The following NWD2 variants were observed in gnomAD, a reference collection of about 807,000 sequenced individuals.
The protein encoded by NWD2 is NACHT and WD repeat domain containing 2.
Under a neutral mutation model 132.7 loss-of-function variants are expected in NWD2, and 37 were observed. That is an observed-to-expected ratio of 0.28 (90% CI 0.21 to 0.37). The LOEUF is 0.37. Among genes scored for constraint, NWD2 ranks in the 10% least tolerant of loss-of-function variants. The pLI is 1.00. For synonymous variants in NWD2, 705 were observed against 803.0 expected (o/e 0.88, Z 2.06); for missense variants, 1,592 against 2,122.4 (o/e 0.75, Z 4.91).
At position 37,445,926 on chromosome 4, in the gene NWD2, A is replaced by G; in HGVS notation, c.3938A>G (p.Asp1313Gly). The G allele has an allele frequency of 6.4e-7, 1 of 1,551,764 alleles. No homozygotes were observed. The highest frequency in any genetic ancestry group is 8.7e-7 in the Non-Finnish European group (1 of 1,146,982). ...ATAATCACAGCTATGTCCAACATAG[A>G]TAAGACTGGAAAACCCATCCAAAGT... is the stretch of plus-strand genomic sequence containing the variant. ...IDIITAMSNI[D>G]KTGKPIQSLL... is the part of the protein sequence containing the mutation. Residue 1313 changes from aspartate (D) to glycine (G), a missense_variant, in exon 7 of 7, where the codon GAT becomes GGT. By Grantham distance (94) the Asp-to-Gly change is moderately conservative (BLOSUM62 -1). This residue lies in a region of NWD2 where 1,071 missense variants were observed against 1,398.0 expected (regional missense o/e 0.77). Coordinates refer to ENST00000309447, the MANE Select transcript of NWD2 (RefSeq NM_001144990.2). This position sits in a 1 kb window ranked among gnomAD's most constrained non-coding sequence, Gnocchi z 4.7.
chr4:37,380,413 A>G (rs2109308296), intron 3 of NWD2, among the ~76,000 whole-genome samples: 1 of 152,310 alleles, frequency 6.6e-6, no homozygotes, highest in East Asian at 1.9e-4. Flanking sequence ...TCTATCATAT[A>G]ATGTGTGACC....
intron 3 of NWD2, among the ~76,000 whole-genome samples, chr4:37,380,613 TA>T (rs1319351050): frequency 1.8e-4 from 27 of 152,324 alleles, no homozygotes; most frequent in African/African-American, 6.5e-4. Flanking sequence ...AACTATATGC[TA>T]AGGAATCACA....
intron 1 of NWD2, among the ~76,000 whole-genome samples, chr4:37,250,159 TACACACACACACAC>T: frequency 6.7e-6 from 1 of 149,098 alleles, no homozygotes; most frequent in East Asian, 2.0e-4. Flanking sequence ...TGTGTGTGTA[TACACACACACACAC>T]ACACACACAC....
At chr4:37,424,867 A>G (rs1711948012) in intron 3 of NWD2, among the ~76,000 whole-genome samples, 1 of 152,204 alleles carries the variant, frequency 6.6e-6, no homozygotes, top group South Asian at 2.1e-4. Flanking sequence ...TTGGTACAAT[A>G]CAAACTGCAT....
chr4:37,412,210 T>C (rs1299420218), intron 3 of NWD2, among the ~76,000 whole-genome samples: 1 of 152,210 alleles, frequency 6.6e-6, no homozygotes, highest in African/African-American at 2.4e-5. Context: ...TGTTTGCAGA[T>C]GGCATGATTG....
chr4:37,405,588 G>A (rs1720987859), intron 3 of NWD2, among the ~76,000 whole-genome samples: 1 of 152,152 alleles, frequency 6.6e-6, no homozygotes, highest in Non-Finnish European at 1.5e-5. Flanking sequence ...TATAGGTCTG[G>A]GGTGACAACT....
At chr4:37,380,121 T>C (rs1225075241) in intron 3 of NWD2, among the ~76,000 whole-genome samples, 1 of 152,238 alleles carries the variant, frequency 6.6e-6, no homozygotes, top group African/African-American at 2.4e-5. Context: ...AGCAACCCTG[T>C]GAGTTGCAGG....
intron 3 of NWD2, among the ~76,000 whole-genome samples, chr4:37,397,460 A>G (rs1720821271): frequency 6.6e-6 from 1 of 152,174 alleles, no homozygotes; most frequent in Admixed American, 6.5e-5. Flanking sequence ...AGAGGGCTTG[A>G]GAGATAAAGA....
chr4:37,435,364 T>C (rs1217094975), intron 5 of NWD2, among the ~76,000 whole-genome samples: 5 of 152,186 alleles, frequency 3.3e-5, no homozygotes, highest in African/African-American at 1.2e-4. Flanking sequence ...TTACAAACCA[T>C]TTTGACAAAT....
At chr4:37,419,272 C>T (rs771835846) in intron 3 of NWD2, among the ~76,000 whole-genome samples, 6 of 152,046 alleles carry the variant, frequency 3.9e-5, no homozygotes, top group Non-Finnish European at 7.4e-5. Flanking sequence ...AAGACTTAAA[C>T]GTAAGACCTA....
Position 37,264,982 on chromosome 4 carries a change from C to A in NWD2, c.151+19764C>A, listed in dbSNP as rs551344597. On this transcript the variant is annotated intron_variant, in intron 1 of 6. Transcript: ENST00000309447. Reference sequence around the variant, plus strand: ...CTGTAGGGTAGAATGAGCCAGGAAACTAATCTCCCAGCCATGTAGTGTGTA... The same window carrying A: ...CTGTAGGGTAGAATGAGCCAGGAAAATAATCTCCCAGCCATGTAGTGTGTA... Among the ~76,000 whole-genome samples, 25 of 152,130 alleles carry A rather than the reference C, an allele frequency of 1.6e-4. No homozygotes were observed. The South Asian group carries it at 5.0e-3, about 30-fold the overall frequency.
chr4:37,331,713 G>C (rs1425381542), intron 2 of NWD2, among the ~76,000 whole-genome samples: 1 of 152,156 alleles, frequency 6.6e-6, no homozygotes, highest in Non-Finnish European at 1.5e-5. Flanking sequence ...AATAGCATGA[G>C]AACCAAAAAT....
At chr4:37,253,935 AAACT>A (rs1164149780) in intron 1 of NWD2, among the ~76,000 whole-genome samples, 6 of 152,188 alleles carry the variant, frequency 3.9e-5, no homozygotes, top group Middle Eastern at 3.2e-3. Context: ...CATCCTTAGC[AAACT>A]AACACAGTAA....
chr4:37,408,728 G>C (rs2109318236), intron 3 of NWD2, among the ~76,000 whole-genome samples: 1 of 152,294 alleles, frequency 6.6e-6, no homozygotes, highest in Non-Finnish European at 1.5e-5. Flanking sequence ...TATGTATCCT[G>C]ACTGGGAGAC....
At chr4:37,317,501 A>G (rs1030779) in intron 1 of NWD2, among the ~76,000 whole-genome samples, 35,117 of 152,128 alleles carry the variant, frequency 0.23, 4,758 homozygotes, top group Middle Eastern at 0.4. Flanking sequence ...ATCAAGTTAA[A>G]CTTCTCTGGC....
At chr4:37,418,061 C>A (rs1711677515) in intron 3 of NWD2, among the ~76,000 whole-genome samples, 1 of 151,968 alleles carries the variant, frequency 6.6e-6, no homozygotes, top group African/African-American at 2.4e-5. Context: ...TAATAATATT[C>A]TCTAATAAAA....
intron 3 of NWD2, among the ~76,000 whole-genome samples, chr4:37,420,402 C>T (rs192944380): frequency 2.6e-5 from 4 of 152,318 alleles, no homozygotes; most frequent in Admixed American, 1.3e-4. Context: ...GAGAAAGGCA[C>T]AGGCCGGGCA....
intron 1 of NWD2, among the ~76,000 whole-genome samples, chr4:37,285,818 T>G (rs1414481965): frequency 6.6e-6 from 1 of 152,244 alleles, no homozygotes; most frequent in Admixed American, 6.5e-5. Context: ...TAGAAAATTC[T>G]GTGGTTCTCA....
intron 1 of NWD2, among the ~76,000 whole-genome samples, chr4:37,267,922 T>C (rs1302975057): frequency 2.0e-5 from 3 of 151,936 alleles, no homozygotes; most frequent in African/African-American, 7.2e-5. Flanking sequence ...ACCATGGTGT[T>C]CTGCCTCCAG....
Sources: allele counts gnomAD v4.1 joint callset (sites outside exome capture counted in the v4.1 genomes callset), GRCh38; gene constraint gnomAD v4.1.1; regional missense constraint gnomAD v4.1.1; non-coding constraint Gnocchi (gnomAD v3.1); transcripts MANE v1.5; gene names NCBI Gene and HGNC (gene_info 2026-07-23, HGNC 2026-07-21).